Variants in PPP4R3B observed in about 807,000 individuals in gnomAD.
PPP4R3B encodes serine/threonine-protein phosphatase 4 regulatory subunit 3B.
PPP4R3B carries 52 observed loss-of-function variants against 95.4 expected under a neutral mutation model. The ratio of observed to expected loss-of-function variants is 0.54; its 90% CI spans 0.44 to 0.69. The LOEUF (loss-of-function observed/expected upper bound fraction) is 0.69, where lower values mean the gene tolerates loss of function less well. Among genes scored for constraint, PPP4R3B ranks in the 30% least tolerant of loss-of-function variants. The probability of loss-of-function intolerance (pLI) is 0.00; values close to 1 mark genes in which losing one functional copy is unlikely to be tolerated. For missense variants in PPP4R3B, 1,003 were observed against 1,005.9 expected, an observed-to-expected ratio of 1.00 and a Z score of 0.04; for synonymous variants, 407 against 343.9, an observed-to-expected ratio of 1.18 and a Z score of -2.03.
chr2:55,594,483 T>C (rs572595491), intron 4 of PPP4R3B, among the ~76,000 whole-genome samples: 8 of 152,292 alleles, frequency 5.3e-5, no homozygotes, highest in South Asian at 2.1e-4. Flanking sequence ...TACGTAATTA[T>C]AGCCTTCACA....
chr2:55,587,041 G>C (rs115740972), intron 5 of PPP4R3B, among the ~76,000 whole-genome samples: 5,034 of 152,172 alleles, frequency 0.033, 191 homozygotes, highest in Admixed American at 0.11. Flanking sequence ...GGAGGTGTTT[G>C]ACAACACATC....
chr2:55,565,494 G>A (rs1318043085), intron 13 of PPP4R3B, among the ~76,000 whole-genome samples: 1 of 151,988 alleles, frequency 6.6e-6, no homozygotes, highest in Non-Finnish European at 1.5e-5. Flanking sequence ...TTAGAGGGCA[G>A]ATGTTAAAAT....
chr2:55,605,649 T>C (rs913628146), intron 2 of PPP4R3B, among the ~76,000 whole-genome samples: 1 of 152,148 alleles, frequency 6.6e-6, no homozygotes, highest in Non-Finnish European at 1.5e-5. Flanking sequence ...GGCTCACACC[T>C]GTAATCCCAA....
chr2:55,616,669 G>A (rs1694978966), intron 1 of PPP4R3B: 2 of 152,336 alleles, frequency 1.3e-5, no homozygotes, highest in Admixed American at 6.5e-5. Flanking sequence ...CCAGGAAAAC[G>A]TGCCTTTCGG....
At chr2:55,593,891 G>A (rs1691381225) in intron 4 of PPP4R3B, among the ~76,000 whole-genome samples, 1 of 152,142 alleles carries the variant, frequency 6.6e-6, no homozygotes, top group African/African-American at 2.4e-5. Context: ...ATTCATGATA[G>A]CAAAGTCATG....
At chr2:55,555,063 G>A (rs947452020) in intron 16 of PPP4R3B, among the ~76,000 whole-genome samples, 1 of 151,984 alleles carries the variant, frequency 6.6e-6, no homozygotes, top group Admixed American at 6.5e-5. Context: ...GGCAGATCAC[G>A]AGGTCAGGAG....
intron 2 of PPP4R3B, among the ~76,000 whole-genome samples, chr2:55,608,065 G>C (rs188506224): frequency 5.1e-4 from 78 of 152,270 alleles, no homozygotes; most frequent in African/African-American, 1.9e-3. Context: ...GAATGCAGTG[G>C]TGCAATCTTG....
chr2:55,560,756 A>AAC (rs1686486129), intron 15 of PPP4R3B, among the ~76,000 whole-genome samples: 1 of 125,320 alleles, frequency 8.0e-6, no homozygotes, highest in South Asian at 2.9e-4. Context: ...CAGCCTGGGC[A>AAC]ACAGAGAGAG....
intron 2 of PPP4R3B, among the ~76,000 whole-genome samples, chr2:55,605,548 C>T (rs1693256469): frequency 6.6e-6 from 1 of 152,092 alleles, no homozygotes; most frequent in South Asian, 2.1e-4. Flanking sequence ...CCTGGCTATG[C>T]TTTTTGGGAG....
intron 14 of PPP4R3B, among the ~76,000 whole-genome samples, 169 bp from the exon 15 acceptor site, chr2:55,564,666 A>G (rs1256843273): frequency 6.6e-6 from 1 of 152,190 alleles, no homozygotes; most frequent in East Asian, 1.9e-4. Flanking sequence ...GAACACTCCA[A>G]AATATTTTAG....
chr2:55,589,048 A>T, intron 4 of PPP4R3B, 92 bp from the exon 5 acceptor site: 1 of 789,636 alleles, frequency 1.3e-6, no homozygotes, highest in Non-Finnish European at 2.0e-6. Flanking sequence ...AAAATAGTTG[A>T]CAAGTAGTAT....
At chr2:55,580,152 C>T (rs10427222) in intron 8 of PPP4R3B, among the ~76,000 whole-genome samples, 107,181 of 152,006 alleles carry the variant, frequency 0.71, 38,596 homozygotes, top group Non-Finnish European at 0.77. Context: ...GAATATGAAA[C>T]GCAGTGAAGA....
intron 11 of PPP4R3B, among the ~76,000 whole-genome samples, chr2:55,576,077 T>C (rs1040103543): frequency 2.0e-5 from 3 of 152,302 alleles, no homozygotes; most frequent in South Asian, 2.1e-4. Flanking sequence ...CCAGGTGCAG[T>C]GGCTCATGCC....
intron 16 of PPP4R3B, among the ~76,000 whole-genome samples, chr2:55,557,422 C>G (rs751217293): frequency 1.2e-4 from 18 of 152,144 alleles, no homozygotes; most frequent in Non-Finnish European, 2.5e-4. Flanking sequence ...TGGACTCCTG[C>G]GCTCAAGCGA....
At chr2:55,567,969 T>A (rs907897093) in intron 13 of PPP4R3B, 1 of 253,410 alleles carries the variant, frequency 3.9e-6, no homozygotes, top group African/African-American at 2.2e-5. Flanking sequence ...AAAATATCAG[T>A]GTCAAAAGTA....
intron 10 of PPP4R3B, among the ~76,000 whole-genome samples, chr2:55,577,560 A>G (rs1339211305): frequency 3.3e-5 from 5 of 152,124 alleles, no homozygotes; most frequent in African/African-American, 1.2e-4. Context: ...GAATTATTAA[A>G]AGACAACATA....
intron 11 of PPP4R3B, among the ~76,000 whole-genome samples, chr2:55,576,684 AGAGT>A (rs1688721784): frequency 6.6e-6 from 1 of 152,234 alleles, no homozygotes; most frequent in African/African-American, 2.4e-5. Flanking sequence ...CCTGGGCGAC[AGAGT>A]GAGACTCCAT....
chr2:55,573,572 T>C (rs2104078996), intron 12 of PPP4R3B, 47 bp downstream of exon 12: 1 of 1,492,988 alleles, frequency 6.7e-7, no homozygotes, highest in Non-Finnish European at 8.9e-7. Context: ...GTAACTTCAG[T>C]TTTATCTCTA....
chr2:55,581,401 G>A (rs1199277820), intron 8 of PPP4R3B, among the ~76,000 whole-genome samples, 166 bp downstream of exon 8: 2 of 152,060 alleles, frequency 1.3e-5, no homozygotes, highest in African/African-American at 4.8e-5. Flanking sequence ...AGATTTTGAC[G>A]GATTACAATT....
Sources: gnomAD v4.1 joint callset for allele counts (sites outside exome capture counted in the v4.1 genomes callset) on GRCh38, gnomAD v4.1.1 for gene constraint, MANE v1.5 for transcripts, NCBI Gene and HGNC (gene_info 2026-07-23, HGNC 2026-07-21) for gene names.